The following PRH1 variants were observed in gnomAD, a reference collection of about 807,000 sequenced individuals.
PRH1 encodes proline rich protein HaeIII subfamily 1, also known as salivary acidic proline-rich phosphoprotein 1/2.
Under a neutral mutation model 7.9 loss-of-function variants are expected in PRH1, and 7 were observed. That is an observed-to-expected ratio of 0.89 (90% CI 0.50 to 1.67). The LOEUF (loss-of-function observed/expected upper bound fraction) is 1.67. PRH1 is among the 40% of genes most tolerant of loss of function. PRH1 has a pLI of 0.00. For synonymous variants in PRH1, 45 were observed against 80.8 expected (o/e 0.56, Z 2.38); for missense variants, 109 against 223.6 (o/e 0.49, Z 3.27).
chr12:11,125,851 G>C (rs1290667071), intron 1 of PRH1, among the ~76,000 whole-genome samples: 1 of 152,266 alleles, frequency 6.6e-6, no homozygotes, highest in Non-Finnish European at 1.5e-5. Context: ...CATTAAGAGT[G>C]TGGAGGTAGA....
intron 1 of PRH1, among the ~76,000 whole-genome samples, chr12:11,138,630 T>C (rs1312961588): frequency 6.6e-6 from 1 of 152,176 alleles, no homozygotes; most frequent in Non-Finnish European, 1.5e-5. Flanking sequence ...AAATTGGAAA[T>C]AAGAATAAAG....
rs1248844887 is a variant in PRH1, at chr12:11,008,114, A to G, written c.-125-34393T>C. The stretch of plus-strand genomic sequence containing the variant: ...GTGCATAATTAAAGCTGAAAGAAAA[A>G]AACTGAAATAAAGCTACGGAAAAAT... On this transcript the variant is annotated intron_variant, in intron 1 of 3. Transcript: ENST00000539853. Among the ~76,000 whole-genome samples, 6 of 152,200 alleles carry G rather than the reference A, an allele frequency of 3.9e-5. No individual in the cohort carries two copies. The South Asian group carries it at 1.0e-3, about 26-fold the overall frequency.
At chr12:11,111,271 G>C (rs142285401) in intron 1 of PRH1, among the ~76,000 whole-genome samples, 1,600 of 152,178 alleles carry the variant, frequency 0.011, 18 homozygotes, top group Non-Finnish European at 0.016. Context: ...AAGGATATTA[G>C]GACTTGAACT....
upstream of PRH1, among the ~76,000 whole-genome samples, chr12:10,886,947 T>G (rs1485406255): frequency 6.6e-6 from 1 of 152,214 alleles, no homozygotes; most frequent in East Asian, 1.9e-4. Context: ...TTGGTAATGT[T>G]CTTCCCCCAG....
At chr12:10,923,245 T>A (rs1283995001) in intron 2 of PRH1, among the ~76,000 whole-genome samples, 1 of 151,328 alleles carries the variant, frequency 6.6e-6, no homozygotes, top group Non-Finnish European at 1.5e-5. Context: ...CCTTCCTCAG[T>A]CTCCTGAGTA....
chr12:10,902,938 G>A (rs1275075085), intron 2 of PRH1, among the ~76,000 whole-genome samples: 1 of 152,022 alleles, frequency 6.6e-6, no homozygotes, highest in Non-Finnish European at 1.5e-5. Context: ...ACCCTATAAA[G>A]AAACCACACA....
At chr12:10,976,562 A>C (rs1160977245) in intron 1 of PRH1, among the ~76,000 whole-genome samples, 5 of 152,144 alleles carry the variant, frequency 3.3e-5, no homozygotes, top group Non-Finnish European at 1.5e-5. Flanking sequence ...GACAAGGAAT[A>C]ACCAACATCA....
At position 10,938,856 on chromosome 12, in the gene PRH1, T is replaced by C. The variant is rs4140968; in HGVS notation, c.-59+34799A>G. 6.4e-5 allele frequency: 103 copies of C among 1,613,544 alleles called. 1 individual carries two copies. In the East Asian group the frequency reaches 1.8e-3, roughly 29 times the overall value. On this transcript the variant is annotated intron_variant, in intron 2 of 3. Transcript: ENST00000539853. ...ACCCTCCACTTTAGGTAGAGAAAAA[T>C]AGAGTTAGAAAAATTGGCTATCTTG...
chr12:11,035,893 CTTTGT>C (rs1250595903), intron 1 of PRH1, among the ~76,000 whole-genome samples: 2 of 151,950 alleles, frequency 1.3e-5, no homozygotes, highest in Admixed American at 1.3e-4. Flanking sequence ...GCTGTTTTTG[CTTTGT>C]TTTGTTTTGT....
chr12:10,990,989 T>C (rs543722334), intron 1 of PRH1, among the ~76,000 whole-genome samples: 7 of 152,274 alleles, frequency 4.6e-5, no homozygotes, highest in African/African-American at 1.4e-4. Flanking sequence ...CTATTTTGAT[T>C]TGGACATGTT....
At chr12:10,908,631 CTGG>C (rs779601010) in intron 2 of PRH1, 10 of 1,613,850 alleles carry the variant, frequency 6.2e-6, no homozygotes, top group Middle Eastern at 3.3e-4. Flanking sequence ...GACCTTGGTC[CTGG>C]GGTCTCTGTG....
Position 11,062,641 on chromosome 12 carries a change from T to C in PRH1, n.124-15453A>G, listed in dbSNP as rs1418819254. Among the ~76,000 whole-genome samples, 3 of 152,244 alleles carry C rather than the reference T, an allele frequency of 2.0e-5. No homozygotes were observed. The East Asian group carries it at 5.8e-4, about 29-fold the overall frequency. On this transcript the variant is annotated intron_variant and non_coding_transcript_variant, in intron 1 of 4. Coordinates refer to the PRH1 transcript ENST00000541977. ...TATGCAAACAAGGACATATTCACTT[T>C]CAGTGTTTGCAATTTTTCCTTGTGT...
At chr12:10,962,735 T>C (rs963197788) in intron 2 of PRH1, among the ~76,000 whole-genome samples, 1 of 152,252 alleles carries the variant, frequency 6.6e-6, no homozygotes, top group Non-Finnish European at 1.5e-5. Context: ...GTCCTGGCAG[T>C]CAACAATAAG....
chr12:11,008,906 T>C (rs1402764440), intron 1 of PRH1, among the ~76,000 whole-genome samples: 1 of 151,988 alleles, frequency 6.6e-6, no homozygotes, highest in Non-Finnish European at 1.5e-5. Flanking sequence ...TTGATTAAGA[T>C]GTACAAATTC....
At chr12:11,145,817 A>T (rs3851591) in intron 1 of PRH1, among the ~76,000 whole-genome samples, 2 of 152,052 alleles carry the variant, frequency 1.3e-5, no homozygotes, top group Admixed American at 6.6e-5. Flanking sequence ...ATTCTGCTCT[A>T]TATCTCTTTT....
chr12:11,125,539 TC>T (rs1450036085), intron 1 of PRH1, among the ~76,000 whole-genome samples: 5 of 152,300 alleles, frequency 3.3e-5, no homozygotes, highest in Non-Finnish European at 7.3e-5. Flanking sequence ...AAATTATCTT[TC>T]TACTAATTCT....
chr12:11,066,926 C>T (rs181910664), intron 1 of PRH1, among the ~76,000 whole-genome samples: 10 of 152,056 alleles, frequency 6.6e-5, no homozygotes, highest in South Asian at 2.1e-4. Flanking sequence ...AAGTGACATC[C>T]AATAATTAGG....
chr12:11,171,525 T>C, upstream of PRH1: 1 of 1,232,302 alleles, frequency 8.1e-7, no homozygotes, highest in Non-Finnish European at 1.0e-6. Context: ...CGTCGCGGGC[T>C]CGGTGATCCT....
chr12:11,085,491 C>A (rs1944656889), intron 1 of PRH1, among the ~76,000 whole-genome samples: 1 of 120,300 alleles, frequency 8.3e-6, no homozygotes. Flanking sequence ...ACAAGATTCC[C>A]TTTAAGGTCC....
Sources: gnomAD v4.1 joint callset for allele counts (sites outside exome capture counted in the v4.1 genomes callset) on GRCh38, gnomAD v4.1.1 for gene constraint, MANE v1.5 for transcripts, NCBI Gene and HGNC (gene_info 2026-07-23, HGNC 2026-07-21) for gene names.